DAOA: variants seen among roughly 807,000 people sequenced by gnomAD.
The protein encoded by DAOA is D-amino acid oxidase regulator.
DAOA carries 15 observed loss-of-function variants against 16.4 expected under a neutral mutation model. The observed-to-expected ratio is 0.91, with a 90% CI of 0.61 to 1.41. DAOA has a LOEUF of 1.41. DAOA is among the 40% of genes most tolerant of loss of function. The pLI is 0.00. For synonymous variants in DAOA, 75 were observed against 59.1 expected (o/e 1.27, Z -1.23); for missense variants, 230 against 176.8 (o/e 1.30, Z -1.71).
chr13:105,466,354 A>G (rs1876513040), intron 2 of DAOA, 22 bp downstream of exon 2: 1 of 1,613,890 alleles, frequency 6.2e-7, no homozygotes, highest in East Asian at 2.2e-5. Context: ...GGGGTTTTTT[A>G]CAGCATGGCG....
Position 105,489,976 on chromosome 13 carries a change from T to C in DAOA, c.357T>C (p.Ser119=). 1 of 1,613,608 alleles carries C rather than the reference T, an allele frequency of 6.2e-7. No individual in the cohort carries two copies. The highest frequency in any genetic ancestry group is 1.1e-5 in the South Asian group (1 of 91,068). The change falls in exon 5 of 6, where the codon TCT becomes TCC. Residue 119 remains serine (S), a synonymous_variant. Coordinates refer to ENST00000375936, the MANE Select transcript of DAOA (RefSeq NM_172370.5). The part of the protein sequence containing the change: ...RNYEFLAYEA[S]KDRRQPLERM... ...ATGAGTTCCTTGCCTATGAGGCCTCTAAGGACCGCAGGCAGCCTCTAGAAC... is the reference window on the plus strand; with the variant it reads ...ATGAGTTCCTTGCCTATGAGGCCTCCAAGGACCGCAGGCAGCCTCTAGAAC...
chr13:105,484,577 T>C (rs1877980143), intron 4 of DAOA, among the ~76,000 whole-genome samples: 1 of 152,182 alleles, frequency 6.6e-6, no homozygotes, highest in South Asian at 2.1e-4. Flanking sequence ...TTTTTGCTAT[T>C]ATAAGTACAA....
chr13:105,473,470 A>G (rs1877131845), intron 4 of DAOA, among the ~76,000 whole-genome samples: 1 of 152,112 alleles, frequency 6.6e-6, no homozygotes, highest in Non-Finnish European at 1.5e-5. Context: ...GTTGCAAAAT[A>G]TTATTTTTTA....
intron 4 of DAOA, among the ~76,000 whole-genome samples, chr13:105,475,264 C>A (rs1877252464): frequency 1.3e-5 from 2 of 152,150 alleles, no homozygotes; most frequent in African/African-American, 4.8e-5. Context: ...GCACTATCAG[C>A]ATTACACATT....
chr13:105,485,449 T>C (rs112229198), intron 4 of DAOA, among the ~76,000 whole-genome samples: 2 of 152,294 alleles, frequency 1.3e-5, no homozygotes, highest in African/African-American at 4.8e-5. Flanking sequence ...TGAAGTCCTG[T>C]TGAGTCTACC....
chr13:105,476,737 C>T (rs1594110553), intron 4 of DAOA, among the ~76,000 whole-genome samples: 1 of 152,008 alleles, frequency 6.6e-6, no homozygotes, highest in East Asian at 1.9e-4. Context: ...ATACCCAAGG[C>T]ATATGATTGA....
chr13:105,488,301 A>G (rs1878271023), intron 4 of DAOA, among the ~76,000 whole-genome samples: 1 of 152,242 alleles, frequency 6.6e-6, no homozygotes, highest in African/African-American at 2.4e-5. Context: ...GAAGGAAATA[A>G]CACAGTATCT....
At chr13:105,467,304 G>T (rs887639675) in intron 3 of DAOA, among the ~76,000 whole-genome samples, 163 bp downstream of exon 3, 1 of 152,136 alleles carries the variant, frequency 6.6e-6, no homozygotes, top group Non-Finnish European at 1.5e-5. Context: ...TGTACCTCTT[G>T]GTTTCTGGAG....
In DAOA at chr13:105,488,053, C is replaced by G. The variant is rs9583004; in HGVS notation, c.282-1848C>G. On this transcript the variant is annotated intron_variant, in intron 4 of 5. Coordinates refer to ENST00000375936, the MANE Select transcript of DAOA (RefSeq NM_172370.5). ...ATGGATGTGAATAAGCTTAAAAGCA[C>G]GGGAACTTATCAATCACTGTAAACA... 5.1e-3 allele frequency among the ~76,000 whole-genome samples: 781 copies of G among 152,170 alleles called. 12 individuals are homozygous for G. Among genetic ancestry groups the G allele is most frequent in the African/African-American group, 0.017 (725 of 41,544 alleles).
rs184368570 is a variant in DAOA, at chr13:105,472,507, G to A, written c.134-31G>A. The A allele has an allele frequency of 1.0e-4, 166 of 1,603,594 alleles. No homozygotes were observed. The East Asian group carries it at 3.6e-3, about 35-fold the overall frequency. On this transcript the variant is annotated intron_variant, in intron 3 of 5. Coordinates refer to ENST00000375936, the MANE Select transcript of DAOA (RefSeq NM_172370.5). ...TTAAAAGATGTGATAGAGTTAATAT[G>A]TATTATATATCCACTTAAATACTGT... is the stretch of plus-strand genomic sequence containing the variant.
intron 4 of DAOA, among the ~76,000 whole-genome samples, chr13:105,483,501 T>G (rs1178975551): frequency 6.6e-6 from 1 of 152,202 alleles, no homozygotes; most frequent in Admixed American, 6.5e-5. Context: ...AGTTTCTCCA[T>G]ATTCTCACCA....
At position 105,489,997 on chromosome 13, in the gene DAOA, A is replaced by G. The variant is rs578209290; in HGVS notation, c.378A>G (p.Leu126=). The G allele has an allele frequency of 4.5e-5, 73 of 1,613,156 alleles. No individual in the cohort carries two copies. The East Asian group carries it at 1.2e-3, about 26-fold the overall frequency. ...CCTCTAAGGACCGCAGGCAGCCTCTAGAACGAATGTGGACCTGCAACTACA... is the reference window on the plus strand; with the variant it reads ...CCTCTAAGGACCGCAGGCAGCCTCTGGAACGAATGTGGACCTGCAACTACA... ...YEASKDRRQP[L]ERMWTCNYNQ... is the part of the protein sequence containing the mutation. Residue 126 remains leucine (L), a synonymous_variant, in exon 5 of 6, where the codon CTA becomes CTG. Coordinates refer to ENST00000375936, the MANE Select transcript of DAOA (RefSeq NM_172370.5).
intron 4 of DAOA, among the ~76,000 whole-genome samples, chr13:105,476,058 T>C (rs1229567727): frequency 6.6e-6 from 1 of 152,174 alleles, no homozygotes; most frequent in Admixed American, 6.5e-5. Flanking sequence ...CAATATTTAT[T>C]GGAGGGTCTC....
chr13:105,472,488 G>T, intron 3 of DAOA, 50 bp from the exon 4 acceptor site: 3 of 1,560,736 alleles, frequency 1.9e-6, no homozygotes, highest in Non-Finnish European at 1.7e-6. Flanking sequence ...TATGTTAAAA[G>T]ATGTGATAGA....
chr13:105,481,473 A>T (rs996506755), intron 4 of DAOA, among the ~76,000 whole-genome samples: 2 of 152,120 alleles, frequency 1.3e-5, no homozygotes, highest in African/African-American at 4.8e-5. Context: ...TGGCTATTTC[A>T]TATATGTTTT....
intron 2 of DAOA, chr13:105,466,555 T>C (rs1594101731): frequency 3.0e-6 from 2 of 659,492 alleles, no homozygotes; most frequent in Non-Finnish European, 4.9e-6. Flanking sequence ...GGAGGAGACA[T>C]AGGCCCTCAC....
At chr13:105,476,533 A>G (rs1877346941) in intron 4 of DAOA, among the ~76,000 whole-genome samples, 1 of 151,154 alleles carries the variant, frequency 6.6e-6, no homozygotes, top group African/African-American at 2.4e-5. Flanking sequence ...CATATGAGGT[A>G]CTACAAAAAG....
chr13:105,479,756 A>G (rs750764768), intron 4 of DAOA, among the ~76,000 whole-genome samples: 44 of 152,306 alleles, frequency 2.9e-4, no homozygotes, highest in Non-Finnish European at 5.0e-4. Flanking sequence ...GGGGTTCTGG[A>G]AATGACATAA....
At chr13:105,480,918 T>TCCACTGA (rs200489358) in intron 4 of DAOA, among the ~76,000 whole-genome samples, 2,176 of 152,230 alleles carry the variant, frequency 0.014, 48 homozygotes, top group African/African-American at 0.049. Flanking sequence ...CCTCACTCAG[T>TCCACTGA]CCACTGACGC....
Sources: allele counts gnomAD v4.1 joint callset (sites outside exome capture counted in the v4.1 genomes callset), GRCh38; gene constraint gnomAD v4.1.1; transcripts MANE v1.5; gene names NCBI Gene and HGNC (gene_info 2026-07-23, HGNC 2026-07-21).